Variants in RALGAPA2 observed in about 807,000 individuals in gnomAD.
RALGAPA2 encodes the protein Ral GTPase activating protein catalytic subunit alpha 2.
In RALGAPA2, 139 loss-of-function variants were observed where a neutral mutation model predicts 230.4. That is an observed-to-expected ratio of 0.60 (90% CI 0.53 to 0.69). The LOEUF is 0.69. Ranked by LOEUF, RALGAPA2 falls within the 30% of genes least tolerant of loss-of-function variation. The pLI is 0.00. For missense variants in RALGAPA2, 2,163 were observed against 2,276.0 expected (o/e 0.95, Z 1.01); for synonymous variants, 847 against 837.8 (o/e 1.01, Z -0.19).
intron 16 of RALGAPA2, among the ~76,000 whole-genome samples, chr20:20,592,399 C>T (rs2065318857): frequency 6.6e-6 from 1 of 152,096 alleles, no homozygotes; most frequent in Admixed American, 6.6e-5. Context: ...TCTGTTCTTC[C>T]TGCTGTTCAC....
chr20:20,686,009 C>T (rs779162810), intron 1 of RALGAPA2, among the ~76,000 whole-genome samples: 1 of 152,146 alleles, frequency 6.6e-6, no homozygotes, highest in Non-Finnish European at 1.5e-5. Flanking sequence ...TCTCCTTTAA[C>T]TTCTCATTTT....
intron 1 of RALGAPA2, among the ~76,000 whole-genome samples, chr20:20,708,530 T>G (rs540333836): frequency 3.3e-5 from 5 of 152,322 alleles, no homozygotes; most frequent in African/African-American, 1.2e-4. Context: ...CCTGCCACCA[T>G]GTAAGACATG....
chr20:20,457,105 G>A (rs531031828), intron 37 of RALGAPA2, among the ~76,000 whole-genome samples: 15 of 152,184 alleles, frequency 9.9e-5, no homozygotes, highest in Non-Finnish European at 2.1e-4. Context: ...AATTTAACAC[G>A]TGCCTGACAC....
At position 20,505,470 on chromosome 20, in the gene RALGAPA2, G is replaced by A. The variant is rs372908284; in HGVS notation, c.4993C>T (p.Leu1665Phe). 1.4e-4 allele frequency: 218 copies of A among 1,604,456 alleles called. No homozygotes were observed. The highest frequency in any genetic ancestry group is 4.9e-4 in the Admixed American group (29 of 59,026). ...GCTTGGCTTCCTCTTTCATTAGAGA[G>A]GATTGAACACTTGTCTTCTTGACCT... Reference protein sequence around the residue: ...AEGQEDKCSILSNERGSQAYE... With the variant: ...AEGQEDKCSIFSNERGSQAYE... The change falls in exon 34 of 40, where the codon CTC (leucine) becomes TTC (phenylalanine). Residue 1665 changes from leucine to phenylalanine, a missense_variant. Transcript: ENST00000202677.
chr20:20,528,868 G>C (rs915742546), intron 27 of RALGAPA2, among the ~76,000 whole-genome samples: 2 of 152,230 alleles, frequency 1.3e-5, no homozygotes, highest in Admixed American at 6.5e-5. Flanking sequence ...GCTGAGGCTG[G>C]GCTGGGGGTG....
chr20:20,510,909 G>T (rs2062686580), intron 33 of RALGAPA2, among the ~76,000 whole-genome samples: 1 of 152,172 alleles, frequency 6.6e-6, no homozygotes. Flanking sequence ...AATATGGTAT[G>T]AGCAACCACG....
At chr20:20,405,874 C>G (rs1368766573) in intron 38 of RALGAPA2, among the ~76,000 whole-genome samples, 1 of 152,190 alleles carries the variant, frequency 6.6e-6, no homozygotes, top group Non-Finnish European at 1.5e-5. Flanking sequence ...CATCTGTGGT[C>G]TAGAGACACA....
chr20:20,621,576 T>C (rs1186125098), intron 10 of RALGAPA2, among the ~76,000 whole-genome samples: 1 of 152,100 alleles, frequency 6.6e-6, no homozygotes, highest in Non-Finnish European at 1.5e-5. Context: ...ATATATCAGG[T>C]TACTAATGAG....
At chr20:20,439,217 G>T (rs1427546645) in intron 37 of RALGAPA2, among the ~76,000 whole-genome samples, 1 of 144,590 alleles carries the variant, frequency 6.9e-6, no homozygotes, top group African/African-American at 2.5e-5. Context: ...CCTGGTTTTA[G>T]TTTTTTTTTT....
chr20:20,394,265 C>T (rs1378269912), intron 39 of RALGAPA2, among the ~76,000 whole-genome samples: 1 of 152,146 alleles, frequency 6.6e-6, no homozygotes, highest in Non-Finnish European at 1.5e-5. Flanking sequence ...ATGGAGGCAG[C>T]CTGGCTCAGG....
At chr20:20,440,754 C>T (rs148223599) in intron 37 of RALGAPA2, among the ~76,000 whole-genome samples, 5 of 152,236 alleles carry the variant, frequency 3.3e-5, no homozygotes, top group Non-Finnish European at 7.3e-5. Flanking sequence ...TGGCAGCTGA[C>T]GGGCAACCTC....
intron 1 of RALGAPA2, among the ~76,000 whole-genome samples, chr20:20,696,782 C>T (rs1443596610): frequency 6.6e-6 from 1 of 152,192 alleles, no homozygotes; most frequent in East Asian, 1.9e-4. Flanking sequence ...CAGTCCAAAC[C>T]TCCCTTCAGA....
In RALGAPA2 at chr20:20,596,051, CA is replaced by C. The variant is rs935412663; in HGVS notation, c.2204-4738del. Among the ~76,000 whole-genome samples, 34 of 152,096 alleles carry C rather than the reference CA, an allele frequency of 2.2e-4. No homozygotes were observed. The South Asian group carries it at 2.5e-3, about 11-fold the overall frequency. On this transcript the variant is annotated intron_variant, in intron 16 of 39. Coordinates refer to ENST00000202677, the MANE Select transcript of RALGAPA2 (RefSeq NM_020343.4). ...GAAAAAAACAAATAAAAGAAAATCA[CA>C]AAAAGTGCCAGTCCTACCTCCCCAA...
intron 20 of RALGAPA2, among the ~76,000 whole-genome samples, chr20:20,578,218 T>C (rs902535851): frequency 2.0e-5 from 3 of 152,142 alleles, no homozygotes; most frequent in African/African-American, 7.2e-5. Context: ...CCAAAATTAC[T>C]CTGCTGGTGG....
intron 3 of RALGAPA2, among the ~76,000 whole-genome samples, chr20:20,659,197 G>T (rs1434602871): frequency 6.6e-6 from 1 of 152,184 alleles, no homozygotes; most frequent in Non-Finnish European, 1.5e-5. Flanking sequence ...GAATGCCTGT[G>T]CTACAAGTAT....
chr20:20,452,340 G>C (rs1369921025), intron 37 of RALGAPA2, among the ~76,000 whole-genome samples: 2 of 152,196 alleles, frequency 1.3e-5, no homozygotes, highest in Admixed American at 6.5e-5. Flanking sequence ...TGTGGGTGTG[G>C]AAGTCAGCTT....
chr20:20,671,867 A>G (rs1326470214), intron 3 of RALGAPA2, among the ~76,000 whole-genome samples: 21 of 152,206 alleles, frequency 1.4e-4, no homozygotes. Flanking sequence ...TAATTCTTAA[A>G]ACATTGCTGG....
At chr20:20,453,550 C>T (rs2061038283) in intron 37 of RALGAPA2, among the ~76,000 whole-genome samples, 2 of 151,962 alleles carry the variant, frequency 1.3e-5, no homozygotes, top group African/African-American at 4.8e-5. Flanking sequence ...CGCTGAAAGT[C>T]GTTTACTTTT....
At chr20:20,631,476 G>A (rs1483682045) in intron 9 of RALGAPA2, among the ~76,000 whole-genome samples, 1 of 152,206 alleles carries the variant, frequency 6.6e-6, no homozygotes, top group African/African-American at 2.4e-5. Flanking sequence ...CCTTATAAGA[G>A]GGTGGCAGGA....
Sources: allele counts gnomAD v4.1 joint callset (sites outside exome capture counted in the v4.1 genomes callset), GRCh38; gene constraint gnomAD v4.1.1; transcripts MANE v1.5; gene names NCBI Gene and HGNC (gene_info 2026-07-23, HGNC 2026-07-21).